The following TUSC3 variants were observed in gnomAD, a reference collection of about 807,000 sequenced individuals.
TUSC3 encodes the protein tumor suppressor candidate 3.
Under a neutral mutation model 44.8 loss-of-function variants are expected in TUSC3, and 45 were observed. The observed-to-expected ratio is 1.00, with a 90% CI of 0.79 to 1.29. TUSC3 has a LOEUF of 1.29. Ranked by LOEUF, TUSC3 falls within the 50% of genes most tolerant of loss-of-function variation. The pLI is 0.00. For missense variants in TUSC3, 519 were observed against 437.9 expected, an observed-to-expected ratio of 1.19 and a Z score of -1.65; for synonymous variants, 212 against 152.9, an observed-to-expected ratio of 1.39 and a Z score of -2.85.
At chr8:15,577,074 A>AT (rs1803145599) in intron 1 of TUSC3, among the ~76,000 whole-genome samples, 1 of 143,312 alleles carries the variant, frequency 7.0e-6, no homozygotes, top group African/African-American at 2.6e-5. Flanking sequence ...GATGATGAGC[A>AT]TTTTTTCATG....
the TUSC3 span, chr8:15,806,661 G>A: frequency 5.4e-6 from 6 of 1,111,968 alleles, no homozygotes; most frequent in African/African-American, 7.7e-5. Context: ...GAGACAAGCT[G>A]CCCAGTAGGA....
chr8:15,745,854 C>T (rs1416608040), intron 8 of TUSC3, among the ~76,000 whole-genome samples: 1 of 148,638 alleles, frequency 6.7e-6, no homozygotes, highest in Non-Finnish European at 1.5e-5. Flanking sequence ...AAATTCTTTG[C>T]CAAGGCCAAT....
rs999655409 is a variant in TUSC3, at chr8:15,512,703, G to A, written n.189+29220G>A. On this transcript the variant is annotated intron_variant and non_coding_transcript_variant, in intron 2 of 5. Coordinates refer to the TUSC3 transcript ENST00000503191. The stretch of plus-strand genomic sequence containing the variant: ...CAGGAGAGTTGCTTGAACCCGGGAG[G>A]GAGAGGTTGCAGTGAGCTGAGATTG... Among the ~76,000 whole-genome samples the A allele has an allele frequency of 4.6e-5, 7 of 151,694 alleles. No individual in the cohort carries two copies. The South Asian group carries it at 6.3e-4, about 14-fold the overall frequency.
At chr8:15,504,619 ATATTTTTTTTTT>A (rs1259887135) in intron 2 of TUSC3, among the ~76,000 whole-genome samples, 1 of 16,410 alleles carries the variant, frequency 6.1e-5, no homozygotes, top group African/African-American at 3.5e-4. Context: ...ATATATATAT[ATATTTTTTTTTT>A]TTTTTTTTTT....
intron 1 of TUSC3, among the ~76,000 whole-genome samples, chr8:15,477,666 G>A (rs1221036562): frequency 6.6e-6 from 1 of 152,076 alleles, no homozygotes; most frequent in Non-Finnish European, 1.5e-5. Flanking sequence ...AGCTTTCAGT[G>A]AGCCAAGATT....
chr8:15,449,265 G>A lies in TUSC3; in HGVS notation n.91+31960G>A, dbSNP rs139824506. 2.8e-3 allele frequency among the ~76,000 whole-genome samples: 433 copies of A among 152,278 alleles called. 2 individuals are homozygous for A. Among genetic ancestry groups the A allele is most frequent in the African/African-American group, 9.5e-3 (393 of 41,554 alleles). ...GGAATCATGAATATTTATGAAAGAA[G>A]GAATGGGCACATGTGCAATTAAGCT... On this transcript the variant is annotated intron_variant and non_coding_transcript_variant, in intron 1 of 5. Transcript: ENST00000503191.
chr8:15,570,387 G>T (rs1348004339), intron 1 of TUSC3, among the ~76,000 whole-genome samples: 1 of 151,592 alleles, frequency 6.6e-6, no homozygotes, highest in East Asian at 1.9e-4. Context: ...TGTATTCTTT[G>T]GTTTGAAATA....
At chr8:15,780,646 C>CT in the TUSC3 span, among the ~76,000 whole-genome samples, 1 of 152,320 alleles carries the variant, frequency 6.6e-6, no homozygotes, top group Non-Finnish European at 1.5e-5. Context: ...TAGCCTTAGA[C>CT]TTCCAGCAGC....
chr8:15,532,974 G>A (rs959655067), intron 2 of TUSC3, among the ~76,000 whole-genome samples: 1 of 152,078 alleles, frequency 6.6e-6, no homozygotes, highest in African/African-American at 2.4e-5. Flanking sequence ...TGTATTTTTA[G>A]TAGAGACAAG....
At chr8:15,754,911 C>G (rs192073101) in intron 9 of TUSC3, among the ~76,000 whole-genome samples, 3 of 152,140 alleles carry the variant, frequency 2.0e-5, no homozygotes, top group African/African-American at 7.2e-5. Context: ...TTAAGCCTTA[C>G]AAAACCTTAA....
At chr8:15,843,414 T>G in the TUSC3 span, among the ~76,000 whole-genome samples, 1 of 152,198 alleles carries the variant, frequency 6.6e-6, no homozygotes, top group East Asian at 1.9e-4. Flanking sequence ...GTTATTTAAC[T>G]CTTCGATTTT....
At chr8:15,610,533 A>G (rs918033022) in intron 1 of TUSC3, among the ~76,000 whole-genome samples, 1 of 152,210 alleles carries the variant, frequency 6.6e-6, no homozygotes, top group Non-Finnish European at 1.5e-5. Context: ...ACATCTGGCA[A>G]CAGCAATTCT....
chr8:15,813,847 G>C, the TUSC3 span, among the ~76,000 whole-genome samples: 5 of 152,054 alleles, frequency 3.3e-5, no homozygotes, highest in East Asian at 9.7e-4. Context: ...CGTTGAGGCA[G>C]TGGGATGAAG....
chr8:15,571,634 A>T (rs1802881512), intron 1 of TUSC3, among the ~76,000 whole-genome samples: 1 of 152,128 alleles, frequency 6.6e-6, no homozygotes, highest in Admixed American at 6.6e-5. Flanking sequence ...ACTTCTTAAG[A>T]AATTAAGTTG....
chr8:15,698,393 A>G (rs1809256795), intron 6 of TUSC3, among the ~76,000 whole-genome samples: 1 of 152,238 alleles, frequency 6.6e-6, no homozygotes, highest in African/African-American at 2.4e-5. Context: ...TGAAATAAGT[A>G]TTAACTATAT....
rs755230498 is a variant in TUSC3, at chr8:15,659,646, A to C, written c.566A>C (p.His189Pro). 6.2e-7 allele frequency: 1 copy of C among 1,612,580 alleles called. No homozygotes were observed. The highest frequency in any genetic ancestry group is 1.1e-5 in the South Asian group (1 of 91,080). The part of the protein sequence containing the change: ...AKWIADRTDV[H>P]IRVFRPPNYS... ...TGGATTGCTGACAGAACGGATGTTC[A>C]TGTATGTTTTTATTCCTCACAGTTT... The change falls in exon 4 of 11, where the codon CAT becomes CCT. Residue 189 changes from histidine to proline, a missense_variant and splice_region_variant. Transcript: ENST00000503731.
chr8:15,740,128 C>G (rs144800678), intron 7 of TUSC3, among the ~76,000 whole-genome samples: 7 of 152,158 alleles, frequency 4.6e-5, no homozygotes, highest in African/African-American at 1.7e-4. Flanking sequence ...GAGGAGGCTT[C>G]TCTGACAAGA....
At chr8:15,820,308 TTC>T in the TUSC3 span, among the ~76,000 whole-genome samples, 3 of 123,686 alleles carry the variant, frequency 2.4e-5, no homozygotes, top group African/African-American at 9.5e-5. Flanking sequence ...TGATCTGTAA[TTC>T]TTTTTTTTTT....
intron 1 of TUSC3, among the ~76,000 whole-genome samples, chr8:15,607,578 A>C (rs1220966397): frequency 6.6e-6 from 1 of 152,174 alleles, no homozygotes; most frequent in Non-Finnish European, 1.5e-5. Context: ...CTAAAACATA[A>C]AGGTAAGCTG....
Sources: allele counts gnomAD v4.1 joint callset (sites outside exome capture counted in the v4.1 genomes callset), GRCh38; gene constraint gnomAD v4.1.1; transcripts MANE v1.5; gene names NCBI Gene and HGNC (gene_info 2026-07-23, HGNC 2026-07-21).